The following ANKRD44 variants were observed in gnomAD, a reference collection of about 807,000 sequenced individuals.
ANKRD44 encodes ankyrin repeat domain 44, also known as serine/threonine-protein phosphatase 6 regulatory ankyrin repeat subunit B.
Under a neutral mutation model 116.0 loss-of-function variants are expected in ANKRD44, and 35 were observed. The ratio of observed to expected loss-of-function variants is 0.30; its 90% CI spans 0.23 to 0.40. ANKRD44 has a LOEUF of 0.40. Ranked by LOEUF, ANKRD44 falls within the 10% of genes least tolerant of loss-of-function variation. The pLI, the probability that ANKRD44 is intolerant of heterozygous loss-of-function variation, is 1.00. For missense variants in ANKRD44, 1,014 were observed against 1,242.6 expected, an observed-to-expected ratio of 0.82 and a Z score of 2.77; for synonymous variants, 435 against 461.8, an observed-to-expected ratio of 0.94 and a Z score of 0.74.
intron 4 of ANKRD44, among the ~76,000 whole-genome samples, chr2:197,127,862 C>T (rs960806039): frequency 6.6e-6 from 1 of 152,170 alleles, no homozygotes; most frequent in African/African-American, 2.4e-5. Flanking sequence ...CGTTCCTTCT[C>T]ACATGTCCCT....
intron 16 of ANKRD44, among the ~76,000 whole-genome samples, chr2:197,065,252 C>A (rs1459372403): frequency 1.3e-5 from 2 of 152,070 alleles, no homozygotes; most frequent in African/African-American, 4.8e-5. Context: ...TCTTTGAAAC[C>A]AATGAGAACA....
At chr2:197,156,846 A>C (rs972565172) in intron 2 of ANKRD44, among the ~76,000 whole-genome samples, 6 of 152,250 alleles carry the variant, frequency 3.9e-5, no homozygotes, top group African/African-American at 9.6e-5. Context: ...GGCAAAAAAA[A>C]AGTACATATT....
intron 16 of ANKRD44, among the ~76,000 whole-genome samples, chr2:197,042,393 C>G (rs975451103): frequency 1.3e-5 from 2 of 151,592 alleles, no homozygotes; most frequent in African/African-American, 2.4e-5. Flanking sequence ...ATTTCCTTCA[C>G]AAGTGGCCAA....
intron 27 of ANKRD44, among the ~76,000 whole-genome samples, chr2:196,992,202 G>C (rs2075931065): frequency 6.6e-6 from 1 of 152,172 alleles, no homozygotes; most frequent in Non-Finnish European, 1.5e-5. Flanking sequence ...GTAATTCAGA[G>C]GAATGGCTCA....
Position 197,125,831 on chromosome 2 carries a change from A to T in ANKRD44, c.462+6T>A. 1.2e-6 allele frequency: 2 copies of T among 1,613,324 alleles called. No homozygotes were observed. The highest frequency in any genetic ancestry group is 2.2e-5 in the South Asian group (2 of 91,034). ...CGTTCCAATTCTGAATGATAAAAAT[A>T]CCCACCTCCACGTGGCCGTTCAGAG... On this transcript the variant is annotated splice_donor_region_variant and intron_variant, in intron 5 of 27. Coordinates refer to ENST00000282272, the MANE Select transcript of ANKRD44 (RefSeq NM_001195144.2).
intron 17 of ANKRD44, among the ~76,000 whole-genome samples, chr2:197,020,915 A>G (rs561053839): frequency 5.9e-5 from 9 of 152,116 alleles, no homozygotes; most frequent in Middle Eastern, 3.4e-3. Context: ...CTTCATTTAC[A>G]TTAGGTATTT....
intron 16 of ANKRD44, among the ~76,000 whole-genome samples, chr2:197,060,809 A>G (rs573017101): frequency 6.6e-6 from 1 of 152,234 alleles, no homozygotes; most frequent in Admixed American, 6.5e-5. Context: ...TATTTCACTT[A>G]GTGTAACGTC....
intron 2 of ANKRD44, among the ~76,000 whole-genome samples, chr2:197,164,227 C>G (rs1427771924): frequency 6.6e-6 from 1 of 152,182 alleles, no homozygotes; most frequent in Non-Finnish European, 1.5e-5. Flanking sequence ...CTACATTCCT[C>G]GGGTCCCGGG....
At chr2:197,271,519 C>T (rs1012375359) in intron 1 of ANKRD44, among the ~76,000 whole-genome samples, 7 of 152,248 alleles carry the variant, frequency 4.6e-5, no homozygotes, top group African/African-American at 7.2e-5. Flanking sequence ...AACAGACTGA[C>T]ATTATCTTAC....
At chr2:197,105,369 T>A (rs1432433632) in intron 9 of ANKRD44, among the ~76,000 whole-genome samples, 1 of 152,204 alleles carries the variant, frequency 6.6e-6, no homozygotes, top group Non-Finnish European at 1.5e-5. Flanking sequence ...TGCCTCAGCC[T>A]CCCAAAGTGC....
chr2:197,243,543 A>T (rs532649924), intron 1 of ANKRD44, among the ~76,000 whole-genome samples: 1 of 152,246 alleles, frequency 6.6e-6, no homozygotes, highest in Non-Finnish European at 1.5e-5. Flanking sequence ...GGACTATCTT[A>T]GTCCACTTGA....
intron 2 of ANKRD44, among the ~76,000 whole-genome samples, chr2:197,180,651 A>T (rs943347715): frequency 3.3e-5 from 5 of 152,244 alleles, no homozygotes; most frequent in African/African-American, 9.6e-5. Flanking sequence ...TGAGAAAAAT[A>T]CATAAAAATC....
chr2:197,022,128 C>T (rs1473988254), intron 17 of ANKRD44, among the ~76,000 whole-genome samples: 1 of 152,166 alleles, frequency 6.6e-6, no homozygotes, highest in Admixed American at 6.5e-5. Context: ...TGCTAGATGG[C>T]TTCCACCTAA....
chr2:197,253,362 T>C (rs1467425615), intron 1 of ANKRD44, among the ~76,000 whole-genome samples: 1 of 152,196 alleles, frequency 6.6e-6, no homozygotes, highest in East Asian at 1.9e-4. Flanking sequence ...TTCTAGGATA[T>C]CAATAAACAT....
chr2:197,223,879 A>C (rs1574307961), intron 1 of ANKRD44, among the ~76,000 whole-genome samples: 1 of 152,226 alleles, frequency 6.6e-6, no homozygotes, highest in Non-Finnish European at 1.5e-5. Context: ...TACATAATGG[A>C]AAAGTTTTTA....
chr2:197,217,513 G>A (rs1407953388), intron 1 of ANKRD44, among the ~76,000 whole-genome samples: 1 of 152,214 alleles, frequency 6.6e-6, no homozygotes, highest in East Asian at 1.9e-4. Context: ...AGACTCTCCT[G>A]CAGAGGCAGC....
chr2:197,030,240 A>T (rs1281495445), intron 16 of ANKRD44: 2 of 152,354 alleles, frequency 1.3e-5, no homozygotes, highest in East Asian at 3.9e-4. Context: ...GTTCACACCA[A>T]CTTGTATAAA....
At chr2:197,189,896 T>C (rs142447850) in intron 1 of ANKRD44, among the ~76,000 whole-genome samples, 1 of 152,272 alleles carries the variant, frequency 6.6e-6, no homozygotes, top group Non-Finnish European at 1.5e-5. Flanking sequence ...AATACATACA[T>C]TCTGTTGCAT....
At chr2:197,034,112 C>T (rs2124911041) in intron 16 of ANKRD44, among the ~76,000 whole-genome samples, 1 of 136,946 alleles carries the variant, frequency 7.3e-6, no homozygotes, top group African/African-American at 2.7e-5. Context: ...GCTATACAAA[C>T]TCGTAATTCA....
Sources: gnomAD v4.1 joint callset for allele counts (sites outside exome capture counted in the v4.1 genomes callset) on GRCh38, gnomAD v4.1.1 for gene constraint, MANE v1.5 for transcripts, NCBI Gene and HGNC (gene_info 2026-07-23, HGNC 2026-07-21) for gene names.